Variants in SPDYE18 observed in about 807,000 individuals in gnomAD.
SPDYE18 encodes speedy protein E18.
In SPDYE18, 6 loss-of-function variants were observed where a neutral mutation model predicts 44.9. The ratio of observed to expected loss-of-function variants is 0.13; its 90% CI spans 0.07 to 0.26. SPDYE18 has a LOEUF of 0.26. Among genes scored for constraint, SPDYE18 ranks in the 10% least tolerant of loss-of-function variants. The pLI is 1.00. For synonymous variants in SPDYE18, 35 were observed against 177.1 expected, an observed-to-expected ratio of 0.20 and a Z score of 6.37; for missense variants, 121 against 463.2, an observed-to-expected ratio of 0.26 and a Z score of 6.78.
intron 4 of SPDYE18, among the ~76,000 whole-genome samples, chr7:77,057,038 G>A (rs868139391): frequency 6.6e-6 from 1 of 150,874 alleles, no homozygotes; most frequent in East Asian, 1.9e-4. Flanking sequence ...GGGCACAGCT[G>A]AAACCACTTT....
At chr7:77,062,353 GCT>G (rs933547449) in intron 1 of SPDYE18, among the ~76,000 whole-genome samples, 141 bp downstream of exon 1, 1 of 148,806 alleles carries the variant, frequency 6.7e-6, no homozygotes, top group African/African-American at 2.5e-5. Context: ...AAAATCGTTT[GCT>G]CTCTCTCTCC....
At chr7:77,057,123 C>G (rs1360405883) in intron 4 of SPDYE18, among the ~76,000 whole-genome samples, 1 of 152,272 alleles carries the variant, frequency 6.6e-6, no homozygotes, top group Non-Finnish European at 1.5e-5. Context: ...CAGAGTCTTG[C>G]TCTGTGGGCC....
Position 77,053,155 on chromosome 7 carries a change from G to A in SPDYE18, c.804C>T (p.Asn268=), listed in dbSNP as rs1184652828. Residue 268 remains asparagine, a synonymous_variant, in exon 7 of 9, where the codon AAC becomes AAT. Coordinates refer to ENST00000510091, the MANE Select transcript of SPDYE18 (RefSeq NM_001394953.1). ...MEEDDEDPKQ[N]IFYFLYGKTR... ...TCTTCCCATACAGGAAGTAGAAGAT[G>A]TTTTGTTTGGGGTCCTCGTCGTCCT... 6.2e-7 allele frequency: 1 copy of A among 1,613,964 alleles called. No individual in the cohort carries two copies. Among genetic ancestry groups the A allele is most frequent in the East Asian group, 2.2e-5 (1 of 44,906 alleles).
intron 5 of SPDYE18, among the ~76,000 whole-genome samples, chr7:77,055,835 TA>T (rs1363214699): frequency 6.6e-6 from 1 of 151,164 alleles, no homozygotes; most frequent in Non-Finnish European, 1.5e-5. Context: ...GTGATCCCAG[TA>T]CTTTTTGAGA....
intron 6 of SPDYE18, among the ~76,000 whole-genome samples, chr7:77,053,890 G>A (rs1168087773): frequency 1.4e-5 from 2 of 146,372 alleles, no homozygotes; most frequent in Admixed American, 1.4e-4. Flanking sequence ...CAGCCCTGTA[G>A]TCGGAGCTAA....
chr7:77,060,016 C>A (rs1759726167), intron 2 of SPDYE18, among the ~76,000 whole-genome samples: 1 of 132,304 alleles, frequency 7.6e-6, no homozygotes, highest in South Asian at 2.2e-4. Flanking sequence ...CCCTTCTTTT[C>A]TTTTTTCTTT....
At chr7:77,058,032 GC>G (rs1789955136) in intron 3 of SPDYE18, among the ~76,000 whole-genome samples, 165 bp from the exon 4 acceptor site, 1 of 131,868 alleles carries the variant, frequency 7.6e-6, no homozygotes, top group Non-Finnish European at 1.6e-5. Context: ...TCCATGTGCC[GC>G]TCCTTCTCCT....
intron 6 of SPDYE18, among the ~76,000 whole-genome samples, chr7:77,054,278 GTGGAGGGCATT>G (rs1352998581): frequency 6.7e-6 from 1 of 149,606 alleles, no homozygotes; most frequent in East Asian, 2.0e-4. Context: ...ACAAAGTCGA[GTGGAGGGCATT>G]TGGAAGAAGC....
chr7:77,053,545 A>G, intron 6 of SPDYE18, among the ~76,000 whole-genome samples: 1 of 152,266 alleles, frequency 6.6e-6, no homozygotes. Context: ...CTCTATTAAA[A>G]ATATAAGAAA....
chr7:77,058,194 C>G lies in SPDYE18; in HGVS notation c.380-327G>C, dbSNP rs6978687. Among the ~76,000 whole-genome samples the G allele has an allele frequency of 5.6e-4, 62 of 110,490 alleles. 2 individuals carry two copies. The highest frequency in any genetic ancestry group is 9.5e-4 in the Non-Finnish European group (55 of 57,780). 72.5% of individuals were successfully genotyped at this position (110,490 alleles called of 152,430 possible). A position where few individuals can be genotyped will look rare whatever the true frequency, so the allele number is the denominator to read the frequency against. ...TGGCCTAGGCTGGAGTGTAGTGGTG[C>G]GATCTTGGCTCACTGGAACCTCCGC... is the stretch of plus-strand genomic sequence containing the variant. On this transcript the variant is annotated intron_variant, in intron 3 of 8. Transcript: ENST00000510091.
intron 5 of SPDYE18, among the ~76,000 whole-genome samples, chr7:77,055,848 G>A (rs1490312312): frequency 6.6e-5 from 10 of 151,368 alleles, no homozygotes; most frequent in Admixed American, 1.3e-4. Context: ...TTTTTGAGAG[G>A]TGGAGACAGG....
intron 6 of SPDYE18, among the ~76,000 whole-genome samples, chr7:77,054,133 A>G (rs1345176734): frequency 1.3e-5 from 2 of 152,190 alleles, no homozygotes; most frequent in Admixed American, 6.6e-5. Context: ...GGATGTAACT[A>G]GAGAGCTACG....
At chr7:77,055,390 G>C in intron 5 of SPDYE18, 69 bp from the exon 6 acceptor site, 1 of 634,546 alleles carries the variant, frequency 1.6e-6, no homozygotes, top group Non-Finnish European at 2.8e-6. Flanking sequence ...TGGAGAGGGG[G>C]AATGAGGGTC....
In SPDYE18 at chr7:77,061,841, T is replaced by A. The variant is rs2117329181; in HGVS notation, c.-422+655A>T. Among the ~76,000 whole-genome samples, 2 of 121,432 alleles carry A rather than the reference T, an allele frequency of 1.6e-5. 1 individual carries two copies. The highest frequency in any genetic ancestry group is 5.9e-4 in the South Asian group (2 of 3,408). The allele number at this position is 121,432 out of a possible 152,430, so 79.7% of individuals were successfully genotyped here. A position where few individuals can be genotyped will look rare whatever the true frequency, so the allele number is the denominator to read the frequency against. ...AGAGACCATCCAAAAAACCTGTGGG[T>A]TCCCGGCTGGGCTCAGTGGCTCATG... On this transcript the variant is annotated intron_variant, in intron 1 of 8. Coordinates refer to ENST00000510091, the MANE Select transcript of SPDYE18 (RefSeq NM_001394953.1).
chr7:77,051,529 C>T lies in SPDYE18; in HGVS notation c.*396G>A, dbSNP rs1409208731. ...AGCCCCTGCATTGTGCCTTCAAATG[C>T]TCCTGGACTGTGGCAACCAAGTCTG... On this transcript the variant is annotated 3_prime_UTR_variant, in exon 9 of 9. Coordinates refer to ENST00000510091, the MANE Select transcript of SPDYE18 (RefSeq NM_001394953.1). Among the ~76,000 whole-genome samples the T allele has an allele frequency of 6.6e-6, 1 of 152,276 alleles. No individual in the cohort carries two copies. Among genetic ancestry groups the T allele is most frequent in the Admixed American group, 6.5e-5 (1 of 15,288 alleles).
At position 77,060,389 on chromosome 7, in the gene SPDYE18, G is replaced by A; in HGVS notation, c.124C>T (p.Gln42Ter). The A allele has an allele frequency of 2.6e-6, 4 of 1,535,506 alleles. No homozygotes were observed. The highest frequency in any genetic ancestry group is 3.5e-6 in the Non-Finnish European group (4 of 1,146,896). ...AACACTTCATCATCCACCACCTCCTGGAGGGGGTACCCCGAGGTGCTCCGC... is the reference window on the plus strand; with the variant it reads ...AACACTTCATCATCCACCACCTCCTAGAGGGGGTACCCCGAGGTGCTCCGC... ...LQRSTSGYPL[Q>*]EVVDDEVLGP... The change falls in exon 2 of 9, where the codon CAG becomes TAG. Residue 42 changes from glutamine (Q) to a stop codon, truncating the protein, a stop_gained. Transcript: ENST00000510091. LOFTEE classifies it high-confidence loss of function.
chr7:77,058,294 G>C (rs4729121), intron 3 of SPDYE18, among the ~76,000 whole-genome samples: 116 of 69,190 alleles, frequency 1.7e-3, no homozygotes, highest in East Asian at 7.2e-3. Context: ...AGAACACCCA[G>C]CTCATTTTTG....
chr7:77,052,679 A>C, intron 8 of SPDYE18, 54 bp downstream of exon 8: 2 of 1,593,210 alleles, frequency 1.3e-6, no homozygotes, highest in Non-Finnish European at 1.7e-6. Flanking sequence ...GGTTCCTCGG[A>C]TTTCCAAAAT....
intron 3 of SPDYE18, among the ~76,000 whole-genome samples, 156 bp downstream of exon 3, chr7:77,059,024 C>G (rs1789977923): frequency 6.6e-6 from 1 of 151,944 alleles, no homozygotes; most frequent in South Asian, 2.1e-4. Context: ...CTATCATCTC[C>G]TAAGTGTCCC....
Sources: allele counts gnomAD v4.1 joint callset (sites outside exome capture counted in the v4.1 genomes callset), GRCh38; gene constraint gnomAD v4.1.1; transcripts MANE v1.5; gene names NCBI Gene and HGNC (gene_info 2026-07-23, HGNC 2026-07-21).